ANXA8: variants seen among roughly 807,000 people sequenced by gnomAD.
ANXA8 encodes annexin A8, also known as VAC-beta.
Under a neutral mutation model 26.8 loss-of-function variants are expected in ANXA8, and 9 were observed. The ratio of observed to expected loss-of-function variants is 0.34; its 90% CI spans 0.20 to 0.59. The LOEUF (loss-of-function observed/expected upper bound fraction) is 0.59, where lower values mean the gene tolerates loss of function less well. Among genes scored for constraint, ANXA8 ranks in the 20% least tolerant of loss-of-function variants. ANXA8 has a pLI of 0.84. For synonymous variants in ANXA8, 39 were observed against 94.8 expected, an observed-to-expected ratio of 0.41 and a Z score of 3.42; for missense variants, 83 against 238.5, an observed-to-expected ratio of 0.35 and a Z score of 4.29.
At chr10:47,475,262 C>G (rs1839487843) in intron 6 of ANXA8, among the ~76,000 whole-genome samples, 2 of 149,300 alleles carry the variant, frequency 1.3e-5, no homozygotes, top group Non-Finnish European at 3.0e-5. Context: ...CACGAAGGAC[C>G]TGCTCTCCTC....
the ANXA8 span, chr10:47,496,097 G>A: frequency 6.6e-6 from 1 of 151,710 alleles, no homozygotes; most frequent in Non-Finnish European, 1.5e-5. Flanking sequence ...GAGAGGCAGA[G>A]GGGCAGTGGT....
the ANXA8 span, chr10:47,538,457 CCATGCTGTGTGCA>C: frequency 1.5e-5 from 2 of 134,400 alleles, 1 homozygote. Flanking sequence ...CATTCACAAG[CCATGCTGTGTGCA>C]CACACTGATG....
At chr10:47,648,624 T>G in the ANXA8 span, among the ~76,000 whole-genome samples, 1 of 119,628 alleles carries the variant, frequency 8.4e-6, no homozygotes, top group African/African-American at 3.9e-5. Flanking sequence ...ACGATCATGA[T>G]CCAACCTAGT....
the ANXA8 span, among the ~76,000 whole-genome samples, chr10:47,970,807 C>T: frequency 6.6e-6 from 1 of 151,286 alleles, no homozygotes; most frequent in African/African-American, 2.4e-5. Context: ...GACAAAACAG[C>T]CCTGGGAAGT....
the ANXA8 span, among the ~76,000 whole-genome samples, chr10:47,679,774 CG>C: frequency 6.6e-6 from 1 of 151,684 alleles, no homozygotes; most frequent in Non-Finnish European, 1.5e-5. Context: ...TTTAAAAAGG[CG>C]GGCATGGTGG....
At chr10:47,469,041 G>T in intron 11 of ANXA8, 135 bp from the exon 12 acceptor site, 1 of 1,335,668 alleles carries the variant, frequency 7.5e-7, no homozygotes, top group Non-Finnish European at 1.0e-6. Flanking sequence ...CCTAGCCGCA[G>T]GGGTTGTGCC....
At chr10:47,657,927 C>T in the ANXA8 span, among the ~76,000 whole-genome samples, 1 of 151,730 alleles carries the variant, frequency 6.6e-6, no homozygotes, top group African/African-American at 2.4e-5. Flanking sequence ...CTGACTTCTC[C>T]TGTTCTTGTT....
the ANXA8 span, among the ~76,000 whole-genome samples, chr10:47,707,201 C>A: frequency 7.0e-6 from 1 of 141,906 alleles, no homozygotes; most frequent in African/African-American, 2.5e-5. Flanking sequence ...AAAGAGTAAA[C>A]CAATTTGGTT....
At chr10:47,487,182 G>A, upstream of ANXA8, 1 of 991,974 alleles carries the variant, frequency 1.0e-6, no homozygotes, top group African/African-American at 1.6e-5. Flanking sequence ...TTTGCCTAGT[G>A]TTTCCATCCA....
At chr10:47,475,125 CG>C in intron 6 of ANXA8, 121 bp from the exon 7 acceptor site, 1 of 1,422,284 alleles carries the variant, frequency 7.0e-7, no homozygotes, top group Non-Finnish European at 9.7e-7. Context: ...GTGGAAACTT[CG>C]ACAAGCCAGT....
the ANXA8 span, among the ~76,000 whole-genome samples, chr10:47,695,792 A>G: frequency 6.6e-6 from 1 of 151,530 alleles, no homozygotes; most frequent in Admixed American, 6.6e-5. Context: ...TCTACCTACA[A>G]TTGTTTCTAC....
the ANXA8 span, among the ~76,000 whole-genome samples, chr10:47,778,903 GATA>G: frequency 6.3e-5 from 1 of 15,920 alleles, no homozygotes; most frequent in East Asian, 0.014. Context: ...CCTACATTAT[GATA>G]TGATATGATA....
chr10:47,565,130 G>C, the ANXA8 span: 1 of 750,806 alleles, frequency 1.3e-6, no homozygotes, highest in Non-Finnish European at 2.4e-6. Flanking sequence ...CAACTTCCTG[G>C]GCCAGCTGCT....
chr10:47,680,164 C>A, the ANXA8 span, among the ~76,000 whole-genome samples: 1 of 151,572 alleles, frequency 6.6e-6, no homozygotes, highest in Admixed American at 6.6e-5. Flanking sequence ...TTTAGTCCAT[C>A]ACGTTAGCCA....
the ANXA8 span, among the ~76,000 whole-genome samples, chr10:47,708,870 G>T: frequency 6.7e-6 from 1 of 150,024 alleles, no homozygotes; most frequent in Non-Finnish European, 1.5e-5. Context: ...TTATGAATCA[G>T]GGACAAATAT....
chr10:47,586,873 G>A, the ANXA8 span, among the ~76,000 whole-genome samples: 17 of 146,096 alleles, frequency 1.2e-4, no homozygotes, highest in Non-Finnish European at 1.5e-4. Context: ...TTGAGCAGGG[G>A]GTCACTGAAC....
the ANXA8 span, among the ~76,000 whole-genome samples, chr10:47,676,029 G>A: frequency 2.8e-4 from 42 of 150,948 alleles, no homozygotes; most frequent in Admixed American, 1.3e-3. Flanking sequence ...GGGAGGGAAG[G>A]GAGAAAGAAA....
At chr10:47,968,726 C>T in the ANXA8 span, among the ~76,000 whole-genome samples, 8 of 151,342 alleles carry the variant, frequency 5.3e-5, no homozygotes, top group South Asian at 4.2e-4. Context: ...ATCTTATCAA[C>T]GGAGTCATGG....
chr10:47,488,605 G>T (rs1417616913), upstream of ANXA8, among the ~76,000 whole-genome samples: 1 of 149,658 alleles, frequency 6.7e-6, no homozygotes, highest in African/African-American at 2.5e-5. Flanking sequence ...CATCTACCTG[G>T]AATCTATTTT....
Sources: allele counts gnomAD v4.1 joint callset (sites outside exome capture counted in the v4.1 genomes callset), GRCh38; gene constraint gnomAD v4.1.1; transcripts MANE v1.5; gene names NCBI Gene and HGNC (gene_info 2026-07-23, HGNC 2026-07-21).